Variants in SH2D4B observed in about 807,000 individuals in gnomAD.
SH2D4B encodes SH2 domain containing 4B, also known as SH2 domain-containing protein 4B.
SH2D4B carries 45 observed loss-of-function variants against 61.5 expected under a neutral mutation model. The ratio of observed to expected loss-of-function variants is 0.73; its 90% CI spans 0.58 to 0.94. The LOEUF (loss-of-function observed/expected upper bound fraction) is 0.94, where lower values mean the gene tolerates loss of function less well. Ranked by LOEUF, SH2D4B falls within the 40% of genes least tolerant of loss-of-function variation. The pLI, the probability that SH2D4B is intolerant of heterozygous loss-of-function variation, is 0.00. For synonymous variants in SH2D4B, 224 were observed against 220.4 expected, an observed-to-expected ratio of 1.02 and a Z score of -0.14; for missense variants, 572 against 574.2, an observed-to-expected ratio of 1.00 and a Z score of 0.04.
intron 6 of SH2D4B, among the ~76,000 whole-genome samples, chr10:80,624,975 C>A (rs1842755118): frequency 6.6e-6 from 1 of 152,194 alleles, no homozygotes; most frequent in African/African-American, 2.4e-5. Context: ...AAAGCCCTCA[C>A]CTGTGTGCTT....
chr10:80,634,400 A>G lies in SH2D4B; in HGVS notation c.1104A>G (p.Lys368=), dbSNP rs1842870551. Residue 368 remains lysine (K), a synonymous_variant, in exon 7 of 8, where the codon AAA becomes AAG. Transcript: ENST00000646907. ...ACACCCTCTCCTACCGCCTGCAGAA[A>G]GGGTTCAAACACTTTCTTGTGGATG... The part of the protein sequence containing the change: ...WGYTLSYRLQ[K]GFKHFLVDAS... 4 of 1,550,572 alleles carry G rather than the reference A, an allele frequency of 2.6e-6. No homozygotes were observed. The highest frequency in any genetic ancestry group is 2.6e-6 in the Non-Finnish European group (3 of 1,146,968).
intron 3 of SH2D4B, among the ~76,000 whole-genome samples, chr10:80,577,963 AT>A (rs11366486): frequency 0.23 from 34,443 of 150,518 alleles, 5,002 homozygotes; most frequent in African/African-American, 0.4. Flanking sequence ...GGCTTAGATA[AT>A]TTTTTTTCTT....
chr10:80,586,589 A>G (rs1321852539), intron 3 of SH2D4B, among the ~76,000 whole-genome samples: 1 of 152,020 alleles, frequency 6.6e-6, no homozygotes, highest in Non-Finnish European at 1.5e-5. Context: ...TAGCTCAGGG[A>G]TTGTAAACGC....
intron 3 of SH2D4B, among the ~76,000 whole-genome samples, chr10:80,577,458 G>C (rs11186135): frequency 0.074 from 11,012 of 147,936 alleles, 618 homozygotes; most frequent in Admixed American, 0.17. Flanking sequence ...ACGGAGTCTC[G>C]CTCTGTCGCC....
intron 3 of SH2D4B, among the ~76,000 whole-genome samples, chr10:80,584,938 T>A (rs1031801595): frequency 3.3e-5 from 5 of 152,278 alleles, no homozygotes; most frequent in Admixed American, 1.3e-4. Flanking sequence ...ACAGCTAACA[T>A]AGTTGAAAAT....
At chr10:80,596,630 G>A (rs746125922) in intron 4 of SH2D4B, among the ~76,000 whole-genome samples, 3 of 152,214 alleles carry the variant, frequency 2.0e-5, no homozygotes, top group African/African-American at 4.8e-5. Context: ...CATGGGTTCC[G>A]TCCTGTGGAG....
intron 6 of SH2D4B, among the ~76,000 whole-genome samples, chr10:80,627,551 G>T (rs537942454): frequency 6.6e-6 from 1 of 152,060 alleles, no homozygotes; most frequent in East Asian, 1.9e-4. Flanking sequence ...AACTGGGTGG[G>T]GTGCCTCCCT....
At chr10:80,610,586 C>A (rs1188116268) in intron 6 of SH2D4B, among the ~76,000 whole-genome samples, 1 of 152,162 alleles carries the variant, frequency 6.6e-6, no homozygotes, top group African/African-American at 2.4e-5. Context: ...TGTATTAGGC[C>A]TCTCTGTATT....
intron 5 of SH2D4B, among the ~76,000 whole-genome samples, chr10:80,608,040 G>A (rs141473704): frequency 0.027 from 4,080 of 152,264 alleles, 147 homozygotes; most frequent in African/African-American, 0.086. Flanking sequence ...GGGAATACAA[G>A]TGCCTGCCAC....
intron 1 of SH2D4B, among the ~76,000 whole-genome samples, chr10:80,558,937 G>A (rs758077191): frequency 3.3e-5 from 5 of 152,140 alleles, no homozygotes; most frequent in Non-Finnish European, 5.9e-5. Flanking sequence ...AGGTCTAACC[G>A]GAGCATGAAG....
In SH2D4B at chr10:80,546,816, C is replaced by T. The variant is rs148419705; in HGVS notation, c.184+8301C>T. On this transcript the variant is annotated intron_variant, in intron 1 of 7. Transcript: ENST00000646907. ...TGCTGGGATTACAGGCGTGAGCCACCGCGCCCAGCCAGCATACGGTATTTT... is the reference window on the plus strand; with the variant it reads ...TGCTGGGATTACAGGCGTGAGCCACTGCGCCCAGCCAGCATACGGTATTTT... 1.1e-4 allele frequency among the ~76,000 whole-genome samples: 16 copies of T among 152,224 alleles called. No homozygotes were observed. The Middle Eastern group carries it at 0.014, about 129-fold the overall frequency.
Position 80,634,288 on chromosome 10 carries a change from T to C in SH2D4B, c.992T>C (p.Ile331Thr). Residue 331 changes from isoleucine (I) to threonine (T), a missense_variant, in exon 7 of 8, where the codon ATT becomes ACT. Ile to Thr is a moderately conservative substitution (Grantham distance 89, BLOSUM62 -1). Transcript: ENST00000646907. ...GTTTTTTTCTATTTTAAATCAGGAA[T>C]TATTAGCCGAGAAGATGCAGAAGCT... Reference protein sequence around the residue: ...TKFIAPWFHGIISREDAEALL... With the variant: ...TKFIAPWFHGTISREDAEALL... 6.7e-7 allele frequency: 1 copy of C among 1,501,724 alleles called. No homozygotes were observed. Among genetic ancestry groups the C allele is most frequent in the Non-Finnish European group, 8.9e-7 (1 of 1,123,172 alleles). 93.0% of individuals were successfully genotyped at this position (1,501,724 alleles called of 1,614,324 possible).
intron 5 of SH2D4B, 80 bp downstream of exon 5, chr10:80,603,875 G>T (rs1842484410): frequency 7.7e-7 from 1 of 1,298,132 alleles, no homozygotes; most frequent in Non-Finnish European, 1.1e-6. Context: ...CCCGTCCCGG[G>T]TCTGCCCCAG....
At chr10:80,542,432 C>G (rs1387399042) in intron 1 of SH2D4B, among the ~76,000 whole-genome samples, 1 of 145,428 alleles carries the variant, frequency 6.9e-6, no homozygotes, top group African/African-American at 2.6e-5. Context: ...GAATCTCACT[C>G]TATTGCTCAG....
At chr10:80,600,624 C>G (rs1047335270) in intron 4 of SH2D4B, among the ~76,000 whole-genome samples, 2 of 151,938 alleles carry the variant, frequency 1.3e-5, no homozygotes, top group Admixed American at 1.3e-4. Flanking sequence ...CCTTACCTGG[C>G]AGGCCAAGGT....
chr10:80,607,926 T>C (rs1169691436), intron 5 of SH2D4B, among the ~76,000 whole-genome samples: 1 of 152,216 alleles, frequency 6.6e-6, no homozygotes, highest in Non-Finnish European at 1.5e-5. Context: ...AGACAGAGTC[T>C]TGCTCTGTTG....
At chr10:80,549,603 T>A (rs1841730617) in intron 1 of SH2D4B, among the ~76,000 whole-genome samples, 2 of 152,188 alleles carry the variant, frequency 1.3e-5, no homozygotes, top group South Asian at 4.1e-4. Context: ...ATGTGCAAAG[T>A]GCCTGAAGTC....
intron 6 of SH2D4B, among the ~76,000 whole-genome samples, chr10:80,624,024 G>A (rs1156231354): frequency 6.6e-6 from 1 of 152,144 alleles, no homozygotes; most frequent in African/African-American, 2.4e-5. Context: ...ATGGCTCTCG[G>A]AAGGCTGATC....
intron 6 of SH2D4B, among the ~76,000 whole-genome samples, chr10:80,611,417 CCA>C (rs1306938694): frequency 3.3e-5 from 5 of 152,290 alleles, no homozygotes; most frequent in African/African-American, 1.2e-4. Context: ...TCCCAGGTCA[CCA>C]CACATCTGGC....
Sources: gnomAD v4.1 joint callset for allele counts (sites outside exome capture counted in the v4.1 genomes callset) on GRCh38, gnomAD v4.1.1 for gene constraint, MANE v1.5 for transcripts, NCBI Gene and HGNC (gene_info 2026-07-23, HGNC 2026-07-21) for gene names.